RSPH10B2: variants seen among roughly 807,000 people sequenced by gnomAD.
RSPH10B2 encodes the protein radial spoke head 10 homolog B2 (Chlamydomonas).
RSPH10B2 carries 9 observed loss-of-function variants against 49.0 expected under a neutral mutation model. That is an observed-to-expected ratio of 0.18 (90% CI 0.11 to 0.32). The LOEUF is 0.32. RSPH10B2 is among the 10% of genes least tolerant of loss of function. RSPH10B2 has a pLI of 1.00. For synonymous variants in RSPH10B2, 35 were observed against 210.2 expected, an observed-to-expected ratio of 0.17 and a Z score of 7.21; for missense variants, 95 against 589.9, an observed-to-expected ratio of 0.16 and a Z score of 8.69.
Position 6,776,928 on chromosome 7 carries a change from A to G in RSPH10B2, c.1414+382A>G, listed in dbSNP as rs1334817176. On this transcript the variant is annotated intron_variant, in intron 10 of 18. Coordinates refer to ENST00000297186, the Ensembl canonical transcript of RSPH10B2. ...ACACACACACACACACACACACACA[A>G]AAGGCAGGGGTCCCCAACCCCCAGG... Among the ~76,000 whole-genome samples the G allele has an allele frequency of 6.9e-5, 8 of 115,276 alleles. 1 individual carries two copies. The highest frequency in any genetic ancestry group is 2.0e-4 in the African/African-American group (6 of 30,128). The allele number at this position is 115,276 out of a possible 152,430, so 75.6% of individuals were successfully genotyped here.
chr7:6,761,664 CTGGG>C, intron 3 of RSPH10B2: 1 of 152,886 alleles, frequency 6.5e-6, no homozygotes, highest in South Asian at 2.1e-4. Flanking sequence ...CCTCCACCTC[CTGGG>C]TTCAAGCAAT....
At chr7:6,764,724 G>C (rs1781401878) in intron 4 of RSPH10B2, among the ~76,000 whole-genome samples, 2 of 151,540 alleles carry the variant, frequency 1.3e-5, no homozygotes, top group Non-Finnish European at 2.9e-5. Context: ...GTGTGTGTGT[G>C]TGTGTGTGTG....
intron 13 of RSPH10B2, among the ~76,000 whole-genome samples, chr7:6,782,683 C>A (rs1781987827): frequency 8.3e-6 from 1 of 119,860 alleles, no homozygotes; most frequent in Non-Finnish European, 1.7e-5. Context: ...GAGTTTGAGA[C>A]CAGCCTGGCC....
chr7:6,782,212 C>T (rs1781966072), intron 13 of RSPH10B2, among the ~76,000 whole-genome samples: 1 of 145,518 alleles, frequency 6.9e-6, no homozygotes, highest in South Asian at 2.4e-4. Flanking sequence ...CTGTGCCTGA[C>T]TGGCCTACAA....
intron 4 of RSPH10B2, among the ~76,000 whole-genome samples, 182 bp downstream of exon 6, chr7:6,764,283 G>GGGCTAGC (rs1781369605): frequency 6.8e-6 from 1 of 146,248 alleles, no homozygotes; most frequent in Non-Finnish European, 1.5e-5. Flanking sequence ...AAGGGGGTAG[G>GGGCTAGC]GGCTAGCGGC....
chr7:6,783,838 A>ATTATTATT (rs1562413638), intron 13 of RSPH10B2, among the ~76,000 whole-genome samples: 1 of 131,528 alleles, frequency 7.6e-6, no homozygotes, highest in African/African-American at 2.8e-5. Flanking sequence ...TAATAATAAT[A>ATTATTATT]ATTATTATTA....
At chr7:6,785,408 G>C (rs1444205231) in intron 13 of RSPH10B2, among the ~76,000 whole-genome samples, 2 of 152,296 alleles carry the variant, frequency 1.3e-5, no homozygotes, top group Non-Finnish European at 2.9e-5. Context: ...CAACGCCTGG[G>C]CTCAAGTGAT....
intron 1 of RSPH10B2, 65 bp downstream of exon 3, chr7:6,757,996 T>G: frequency 6.2e-7 from 1 of 1,612,470 alleles, no homozygotes; most frequent in Admixed American, 1.7e-5. Context: ...TTATTTTATT[T>G]TGAGACAGAG....
At chr7:6,776,979 C>T (rs1454284371) in intron 10 of RSPH10B2, among the ~76,000 whole-genome samples, 13 of 123,662 alleles carry the variant, frequency 1.1e-4, no homozygotes, top group Admixed American at 1.0e-3. Flanking sequence ...GGTCCATGGC[C>T]CGTTAGGAAA....
rs1781407232 is a variant in RSPH10B2, at chr7:6,764,831, T to C, written c.573+730T>C. Among the ~76,000 whole-genome samples, 3 of 131,670 alleles carry C rather than the reference T, an allele frequency of 2.3e-5. No individual in the cohort carries two copies. In the Admixed American group the frequency reaches 2.5e-4, roughly 11 times the overall value. The allele number at this position is 131,670 out of a possible 152,430, so 86.4% of individuals were successfully genotyped here. On this transcript the variant is annotated intron_variant, in intron 4 of 18. Coordinates refer to ENST00000297186, the Ensembl canonical transcript of RSPH10B2. ...GCATGGCTGCAAGAAGGAATGAGTT[T>C]GCCTGATCATGAGAAAGAAGATAGA... is the stretch of plus-strand genomic sequence containing the variant.
intron 18 of RSPH10B2, among the ~76,000 whole-genome samples, chr7:6,797,864 A>ACACACAC (rs1370266545): frequency 1.1e-4 from 8 of 71,348 alleles, no homozygotes; most frequent in African/African-American, 4.9e-4. Flanking sequence ...AAAAAAAAAA[A>ACACACAC]ATACACACAC....
chr7:6,756,150 G>A (rs1186846878), upstream of RSPH10B2, among the ~76,000 whole-genome samples: 1 of 143,960 alleles, frequency 6.9e-6, no homozygotes, highest in African/African-American at 2.7e-5. Flanking sequence ...GGTGCCTGTA[G>A]TCCCAGCTAC....
intron 13 of RSPH10B2, among the ~76,000 whole-genome samples, chr7:6,783,710 C>T (rs1782028419): frequency 1.3e-5 from 2 of 151,572 alleles, no homozygotes; most frequent in African/African-American, 4.9e-5. Context: ...TGGGCTCAAG[C>T]AGTCCTCGTG....
intron 17 of RSPH10B2, among the ~76,000 whole-genome samples, chr7:6,796,032 A>G (rs1380847519): frequency 6.9e-6 from 1 of 144,924 alleles, no homozygotes; most frequent in Admixed American, 6.9e-5. Context: ...TAGAAAAAAA[A>G]GAGGTGGCTG....
At chr7:6,791,437 T>A (rs1403916753) in intron 16 of RSPH10B2, among the ~76,000 whole-genome samples, 1 of 149,702 alleles carries the variant, frequency 6.7e-6, no homozygotes, top group African/African-American at 2.5e-5. Context: ...TATAAATATT[T>A]TATTCAGGTT....
intron 13 of RSPH10B2, among the ~76,000 whole-genome samples, chr7:6,783,297 T>C (rs1181795723): frequency 8.6e-6 from 1 of 116,948 alleles, no homozygotes; most frequent in African/African-American, 3.6e-5. Context: ...CCCAAAGTGC[T>C]GGGATTACAG....
intron 15 of RSPH10B2, among the ~76,000 whole-genome samples, chr7:6,787,417 AATGGTTAAACCATC>A (rs1320999014): frequency 8.1e-6 from 1 of 123,680 alleles, no homozygotes; most frequent in Non-Finnish European, 1.6e-5. Context: ...TTTATTCTGG[AATGGTTAAACCATC>A]ATCAAAACTA....
At chr7:6,796,086 G>A (rs1377527256) in intron 17 of RSPH10B2, among the ~76,000 whole-genome samples, 1 of 142,068 alleles carries the variant, frequency 7.0e-6, no homozygotes, top group African/African-American at 2.6e-5. Flanking sequence ...TTGGGAGGCC[G>A]AGGTGGGTGG....
At chr7:6,783,786 C>A (rs1427936210) in intron 13 of RSPH10B2, among the ~76,000 whole-genome samples, 2 of 149,784 alleles carry the variant, frequency 1.3e-5, no homozygotes, top group East Asian at 3.9e-4. Context: ...TTCATGGTTT[C>A]ATTTGTTTCA....
Sources: allele counts gnomAD v4.1 joint callset (sites outside exome capture counted in the v4.1 genomes callset), GRCh38; gene constraint gnomAD v4.1.1; transcripts MANE v1.5; gene names NCBI Gene and HGNC (gene_info 2026-07-23, HGNC 2026-07-21).